Variants in MAP7D1 observed in about 807,000 individuals in gnomAD.
The protein encoded by MAP7D1 is MAP7 domain-containing protein 1.
In MAP7D1, 30 loss-of-function variants were observed where a neutral mutation model predicts 97.5. The observed-to-expected ratio is 0.31, with a 90% CI of 0.23 to 0.42. The LOEUF (loss-of-function observed/expected upper bound fraction) is 0.42, where lower values mean the gene tolerates loss of function less well. Ranked by LOEUF, MAP7D1 falls within the 10% of genes least tolerant of loss-of-function variation. MAP7D1 has a pLI of 1.00. For synonymous variants in MAP7D1, 536 were observed against 477.1 expected, an observed-to-expected ratio of 1.12 and a Z score of -1.61; for missense variants, 1,184 against 1,179.5, an observed-to-expected ratio of 1.00 and a Z score of -0.06.
Position 36,176,089 on chromosome 1 carries a change from G to A in MAP7D1, c.851-110G>A, listed in dbSNP as rs1276493781. ...GTGATTGTGGGGAGAGGACTCCCGGGTGAGAAGCCTTGGCCTTGGCATGGG... is the reference window on the plus strand; with the variant it reads ...GTGATTGTGGGGAGAGGACTCCCGGATGAGAAGCCTTGGCCTTGGCATGGG... On this transcript the variant is annotated intron_variant, in intron 6 of 16. Coordinates refer to ENST00000474796, the MANE Select transcript of MAP7D1 (RefSeq NM_001388490.1). This position sits in a 1 kb window ranked among gnomAD's most constrained non-coding sequence, Gnocchi z 6.1. The A allele has an allele frequency of 4.0e-6, 5 of 1,252,118 alleles. No individual in the cohort carries two copies. Among genetic ancestry groups the A allele is most frequent in the African/African-American group, 3.1e-5 (2 of 64,674 alleles). 77.6% of individuals were successfully genotyped at this position (1,252,118 alleles called of 1,614,324 possible). A position where few individuals can be genotyped will look rare whatever the true frequency, so the allele number is the denominator to read the frequency against.
At chr1:36,160,858 A>C (rs1266244349) in intron 1 of MAP7D1, among the ~76,000 whole-genome samples, 1 of 152,214 alleles carries the variant, frequency 6.6e-6, no homozygotes. Flanking sequence ...GAGCCTAAGC[A>C]GTTGAACCAG....
chr1:36,180,243 C>T lies in MAP7D1; in HGVS notation c.2513-5C>T, dbSNP rs1390350938. The stretch of plus-strand genomic sequence containing the variant: ...CTGACTGTTTCCCTTCCTGTTTTTC[C>T]CCAGAAGTCCTTTAAGAGGGTTTGC... On this transcript the variant is annotated splice_region_variant and splice_polypyrimidine_tract_variant and intron_variant, in intron 16 of 16. Coordinates refer to ENST00000474796, the MANE Select transcript of MAP7D1 (RefSeq NM_001388490.1). 1 of 1,614,178 alleles carries T rather than the reference C, an allele frequency of 6.2e-7. No individual in the cohort carries two copies. The highest frequency in any genetic ancestry group is 1.1e-5 in the South Asian group (1 of 91,086).
rs1456705344 is a variant in MAP7D1, at chr1:36,156,400, C to T, written c.-18C>T. The T allele has an allele frequency of 3.4e-6, 5 of 1,486,574 alleles. No individual in the cohort carries two copies. Among genetic ancestry groups the T allele is most frequent in the South Asian group, 1.3e-5 (1 of 79,268 alleles). 92.1% of individuals were successfully genotyped at this position (1,486,574 alleles called of 1,614,324 possible). A position where few individuals can be genotyped will look rare whatever the true frequency, so the allele number is the denominator to read the frequency against. On this transcript the variant is annotated 5_prime_UTR_variant, in exon 1 of 17. Coordinates refer to ENST00000474796, the MANE Select transcript of MAP7D1 (RefSeq NM_001388490.1). Reference sequence around the variant, plus strand: ...CCGCCGCCGCTGAGACCCCGAGACCCCCAGTGACGCCGCAGCCATGGAGAG... The same window carrying T: ...CCGCCGCCGCTGAGACCCCGAGACCTCCAGTGACGCCGCAGCCATGGAGAG...
In MAP7D1 at chr1:36,165,729, C is replaced by CTTT. The variant is rs34713399; in HGVS notation, c.47-5226_47-5224dup. Among the ~76,000 whole-genome samples the CTTT allele has an allele frequency of 0.011, 1,283 of 118,230 alleles. 82 individuals are homozygous for CTTT. The East Asian group carries it at 0.16, about 15-fold the overall frequency. 77.6% of individuals were successfully genotyped at this position (118,230 alleles called of 152,430 possible). A position where few individuals can be genotyped will look rare whatever the true frequency, so the allele number is the denominator to read the frequency against. ...ACCGCACCACGCCTGCAGTTTGTAG[C>CTTT]TTTTTTTTTTTTTTTTTTGGAGACG... On this transcript the variant is annotated intron_variant, in intron 1 of 16. Coordinates refer to ENST00000474796, the MANE Select transcript of MAP7D1 (RefSeq NM_001388490.1).
chr1:36,178,209 T>G lies in MAP7D1; in HGVS notation c.1708+8T>G, dbSNP rs1644658562. On this transcript the variant is annotated splice_region_variant and intron_variant, in intron 9 of 16. Transcript: ENST00000474796. ...CCGCGGAGACCCCTACAGGTAGGAATGAAGAGAGGGGAGGGGTGGGCCGAG... is the reference window on the plus strand; with the variant it reads ...CCGCGGAGACCCCTACAGGTAGGAAGGAAGAGAGGGGAGGGGTGGGCCGAG... 1 of 1,517,422 alleles carries G rather than the reference T, an allele frequency of 6.6e-7. No homozygotes were observed. Among genetic ancestry groups the G allele is most frequent in the Non-Finnish European group, 8.9e-7 (1 of 1,128,268 alleles). 94.0% of individuals were successfully genotyped at this position (1,517,422 alleles called of 1,614,324 possible).
At position 36,178,067 on chromosome 1, in the gene MAP7D1, A is replaced by G. The variant is rs1247481024; in HGVS notation, c.1574A>G (p.Asp525Gly). 2 of 1,611,214 alleles carry G rather than the reference A, an allele frequency of 1.2e-6. No homozygotes were observed. Among genetic ancestry groups the G allele is most frequent in the Admixed American group, 1.7e-5 (1 of 59,488 alleles). ...AGCCCCAGCGCCGCAGGGCCCGAGG[A>G]CAAGAGCCAGAGCAAGCGCAGGGCC... is the stretch of plus-strand genomic sequence containing the variant. ...KESPSAAGPE[D>G]KSQSKRRASN... is the part of the protein sequence containing the mutation. The change falls in exon 9 of 17, where the codon GAC (aspartate) becomes GGC (glycine). Residue 525 changes from aspartate (D) to glycine (G), a missense_variant. Asp to Gly is a moderately conservative substitution (Grantham distance 94). Transcript: ENST00000474796.
chr1:36,162,672 A>T (rs1018802372), intron 1 of MAP7D1, among the ~76,000 whole-genome samples: 1 of 152,196 alleles, frequency 6.6e-6, no homozygotes, highest in Non-Finnish European at 1.5e-5. Context: ...TCAGTAAATT[A>T]GTTTGGGCCT....
intron 1 of MAP7D1, among the ~76,000 whole-genome samples, chr1:36,165,125 A>T (rs1296051018): frequency 1.3e-5 from 2 of 151,946 alleles, no homozygotes; most frequent in Non-Finnish European, 2.9e-5. Context: ...GTTTTATTTA[A>T]TTTTTTTTCT....
intron 1 of MAP7D1, among the ~76,000 whole-genome samples, chr1:36,169,158 A>G (rs561212275): frequency 6.6e-6 from 1 of 151,680 alleles, no homozygotes; most frequent in Non-Finnish European, 1.5e-5. Flanking sequence ...AGGCTGAGGC[A>G]GGATAATCAC....
Position 36,179,690 on chromosome 1 carries a change from G to A in MAP7D1, c.2252G>A (p.Arg751Gln), listed in dbSNP as rs201770066. 1.4e-4 allele frequency: 220 copies of A among 1,521,244 alleles called. No homozygotes were observed. Among genetic ancestry groups the A allele is most frequent in the Non-Finnish European group, 1.9e-4 (211 of 1,133,266 alleles). 94.2% of individuals were successfully genotyped at this position (1,521,244 alleles called of 1,614,324 possible). A position where few individuals can be genotyped will look rare whatever the true frequency, so the allele number is the denominator to read the frequency against. ...SPEPVKAVEARSPGLQKEAVQ... is the reference protein window; with the variant it reads ...SPEPVKAVEAQSPGLQKEAVQ... ...GAGCCTGTGAAAGCTGTGGAGGCTC[G>A]GTCCCCAGGGCTGCAGAAGGAGGCT... Residue 751 changes from arginine (R) to glutamine (Q), a missense_variant, in exon 15 of 17, where the codon CGG becomes CAG. Physicochemically the swap from Arg to Gln is conservative, Grantham distance 43 (BLOSUM62 1). Transcript: ENST00000474796.
Position 36,176,392 on chromosome 1 carries a change from A to G in MAP7D1, c.1044A>G (p.Gln348=). The change falls in exon 7 of 17, where the codon CAA becomes CAG. Residue 348 remains glutamine (Q), a synonymous_variant. Transcript: ENST00000474796. The surrounding 1 kb of genome is among the most constrained non-coding windows in gnomAD (Gnocchi z 6.1). The stretch of plus-strand genomic sequence containing the variant: ...GGGCCAGCCTGGCGCGCGGGCCGCA[A>G]CCCGACCGCACTCATCCCTCTGCAG... ...RAGASLARGP[Q]PDRTHPSAAV... 6.6e-7 allele frequency: 1 copy of G among 1,526,680 alleles called. No individual in the cohort carries two copies. Among genetic ancestry groups the G allele is most frequent in the Non-Finnish European group, 8.7e-7 (1 of 1,143,716 alleles). The allele number at this position is 1,526,680 out of a possible 1,614,324, so 94.6% of individuals were successfully genotyped here.
In MAP7D1 at chr1:36,176,544, G is replaced by A. The variant is rs1250738569; in HGVS notation, c.1196G>A (p.Ser399Asn). 2 of 1,439,600 alleles carry A rather than the reference G, an allele frequency of 1.4e-6. No homozygotes were observed. Among genetic ancestry groups the A allele is most frequent in the Non-Finnish European group, 9.1e-7 (1 of 1,095,910 alleles). The allele number at this position is 1,439,600 out of a possible 1,614,324, so 89.2% of individuals were successfully genotyped here. ...CGCCGCAAGCCCAACGCCGGGGGCA[G>A]CCCCGCTCCGGTGCGCCGCCGGCCG... ...GERRKPNAGG[S>N]PAPVRRRPEA... Residue 399 changes from serine (S) to asparagine (N), a missense_variant, in exon 7 of 17, where the codon AGC becomes AAC. Coordinates refer to ENST00000474796, the MANE Select transcript of MAP7D1 (RefSeq NM_001388490.1). This position sits in a 1 kb window ranked among gnomAD's most constrained non-coding sequence, Gnocchi z 6.1.
In MAP7D1 at chr1:36,176,981, C is replaced by A; in HGVS notation, c.1379+139C>A. The A allele has an allele frequency of 1.3e-6, 1 of 767,246 alleles. No homozygotes were observed. The highest frequency in any genetic ancestry group is 2.1e-6 in the Non-Finnish European group (1 of 476,712). 47.5% of individuals were successfully genotyped at this position (767,246 alleles called of 1,614,324 possible). ...CTCTGTTTTGTTTGAGACAGGATCTCCCTCTGTCACCCAGGCTGGAGTGCA... is the reference window on the plus strand; with the variant it reads ...CTCTGTTTTGTTTGAGACAGGATCTACCTCTGTCACCCAGGCTGGAGTGCA... On this transcript the variant is annotated intron_variant, in intron 8 of 16. Coordinates refer to ENST00000474796, the MANE Select transcript of MAP7D1 (RefSeq NM_001388490.1). This position sits in a 1 kb window ranked among gnomAD's most constrained non-coding sequence, Gnocchi z 6.1.
At chr1:36,163,817 CTTTTT>C (rs869169250) in intron 1 of MAP7D1, among the ~76,000 whole-genome samples, 7 of 86,770 alleles carry the variant, frequency 8.1e-5, no homozygotes, top group South Asian at 8.1e-4. Flanking sequence ...TACTTTTTTT[CTTTTT>C]TTTTTTTTTT....
chr1:36,175,364 G>A (rs1644603599), intron 6 of MAP7D1, among the ~76,000 whole-genome samples: 1 of 152,222 alleles, frequency 6.6e-6, no homozygotes, highest in Admixed American at 6.5e-5. Flanking sequence ...CCTTAGCCAG[G>A]TGGCATTGTC....
At chr1:36,177,482 C>G (rs1461863769) in intron 8 of MAP7D1, 2 of 469,866 alleles carry the variant, frequency 4.3e-6, no homozygotes, top group East Asian at 6.3e-5. Flanking sequence ...TATGATGATG[C>G]CACTGCACTC....
chr1:36,180,501 T>G lies in MAP7D1; in HGVS notation c.*243T>G, dbSNP rs78771983. The G allele has an allele frequency of 2.1e-5, 12 of 573,708 alleles. No homozygotes were observed. Among genetic ancestry groups the G allele is most frequent in the Admixed American group, 1.8e-4 (6 of 33,184 alleles). 35.5% of individuals were successfully genotyped at this position (573,708 alleles called of 1,614,324 possible). ...ATCCCTTCTCCCCCATACACACATA[T>G]ACACTCACAGCCTCTCTGGCCTCTT... is the stretch of plus-strand genomic sequence containing the variant. On this transcript the variant is annotated 3_prime_UTR_variant, in exon 17 of 17. Transcript: ENST00000474796.
At position 36,173,461 on chromosome 1, in the gene MAP7D1, C is replaced by T. The variant is rs749937345; in HGVS notation, c.722C>T (p.Ser241Phe). The change falls in exon 5 of 17, where the codon TCT (serine) becomes TTT (phenylalanine). Residue 241 changes from serine (S) to phenylalanine (F), a missense_variant. By Grantham distance (155) the Ser-to-Phe change is radical. Transcript: ENST00000474796. The stretch of plus-strand genomic sequence containing the variant: ...TGGGCAGGGGCCCTGCACCACAGCT[C>T]TCCAGGACATAAGACCAGTGAGTAG... ...WSWAGALHHS[S>F]PGHKTSGSRC... 6.2e-7 allele frequency: 1 copy of T among 1,612,896 alleles called. No individual in the cohort carries two copies. The highest frequency in any genetic ancestry group is 8.5e-7 in the Non-Finnish European group (1 of 1,179,564).
intron 1 of MAP7D1, among the ~76,000 whole-genome samples, chr1:36,158,323 G>A (rs529588936): frequency 1.3e-5 from 2 of 152,282 alleles, no homozygotes; most frequent in African/African-American, 2.4e-5. Context: ...GGAGTCCTCT[G>A]TGGGGCTTTC....
Sources: allele counts gnomAD v4.1 joint callset (sites outside exome capture counted in the v4.1 genomes callset), GRCh38; gene constraint gnomAD v4.1.1; non-coding constraint Gnocchi (gnomAD v3.1); transcripts MANE v1.5; gene names NCBI Gene and HGNC (gene_info 2026-07-23, HGNC 2026-07-21).